Variants in HOMEZ observed in about 807,000 individuals in gnomAD.
HOMEZ encodes homeobox and leucine zipper protein Homez.
A neutral mutation model predicts 50.1 loss-of-function variants in HOMEZ; 20 were observed. The observed-to-expected ratio is 0.40, with a 90% CI of 0.28 to 0.58. The LOEUF (loss-of-function observed/expected upper bound fraction) is 0.58. Ranked by LOEUF, HOMEZ falls within the 20% of genes least tolerant of loss-of-function variation. HOMEZ has a pLI of 0.46. For synonymous variants in HOMEZ, 239 were observed against 254.7 expected (o/e 0.94, Z 0.59); for missense variants, 579 against 680.5 (o/e 0.85, Z 1.66).
chr14:23,277,115 G>A lies in HOMEZ; in HGVS notation c.113C>T (p.Pro38Leu), dbSNP rs768735922. ...NKEASGLSSS[P>L]AGLICLPPIS... ...TGGAGGGAGGCAGATGAGCCCCGCT[G>A]GTGAACTACTGAGACCGCTGGCCTC... Residue 38 changes from proline (P) to leucine (L), a missense_variant, in exon 2 of 2, where the codon CCA becomes CTA. Coordinates refer to ENST00000357460, the MANE Select transcript of HOMEZ (RefSeq NM_020834.3). 6.2e-7 allele frequency: 1 copy of A among 1,613,850 alleles called. No homozygotes were observed. Among genetic ancestry groups the A allele is most frequent in the Non-Finnish European group, 8.5e-7 (1 of 1,179,802 alleles).
intron 1 of HOMEZ, among the ~76,000 whole-genome samples, chr14:23,278,332 A>G (rs1386630826): frequency 6.6e-6 from 1 of 152,002 alleles, no homozygotes; most frequent in Non-Finnish European, 1.5e-5. Context: ...CAAGAGGAGC[A>G]ATAATTTCAA....
At chr14:23,284,107 G>T (rs1886612372) in intron 1 of HOMEZ, among the ~76,000 whole-genome samples, 1 of 152,150 alleles carries the variant, frequency 6.6e-6, no homozygotes, top group Non-Finnish European at 1.5e-5. Flanking sequence ...CAGACCCTCA[G>T]AAAGTTATGA....
chr14:23,280,714 T>TTC (rs1491050635), intron 1 of HOMEZ, among the ~76,000 whole-genome samples: 6 of 60,332 alleles, frequency 9.9e-5, no homozygotes, highest in Non-Finnish European at 1.6e-4. Flanking sequence ...TTTTTATTTT[T>TTC]ATTTTATTTT....
chr14:23,280,740 A>T (rs374099683), intron 1 of HOMEZ, among the ~76,000 whole-genome samples: 2,106 of 41,186 alleles, frequency 0.051, 263 homozygotes, highest in African/African-American at 0.15. Flanking sequence ...ATTTTATTTT[A>T]TTATTTTATT....
chr14:23,279,052 T>C (rs1886430678), intron 1 of HOMEZ, among the ~76,000 whole-genome samples: 1 of 150,958 alleles, frequency 6.6e-6, no homozygotes, highest in Non-Finnish European at 1.5e-5. Context: ...GGCGTGATCT[T>C]GGCTCACTGC....
Position 23,275,879 on chromosome 14 carries a change from T to A in HOMEZ, c.1349A>T (p.Glu450Val). Residue 450 changes from glutamate (E) to valine (V), a missense_variant, in exon 2 of 2, where the codon GAG (glutamate) becomes GTG (valine). Coordinates refer to ENST00000357460, the MANE Select transcript of HOMEZ (RefSeq NM_020834.3). ...PSTRSLNERA[E>V]TPPLPIPPPP... Reference sequence around the variant, plus strand: ...TGGAGGGATCGGCAGAGGTGGTGTCTCAGCCCTTTCGTTCAAGGAGCGGGT... The same window carrying A: ...TGGAGGGATCGGCAGAGGTGGTGTCACAGCCCTTTCGTTCAAGGAGCGGGT... 1 of 1,600,152 alleles carries A rather than the reference T, an allele frequency of 6.2e-7. No homozygotes were observed. The highest frequency in any genetic ancestry group is 8.5e-7 in the Non-Finnish European group (1 of 1,172,584).
chr14:23,275,561 C>T lies in HOMEZ; in HGVS notation c.*14G>A, dbSNP rs1382509744. ...ATCTTTCAGTAACAGACCTCCCCTC[C>T]CCCAGCTCCCCACTCAGTCTTGTAT... is the stretch of plus-strand genomic sequence containing the variant. On this transcript the variant is annotated 3_prime_UTR_variant, in exon 2 of 2. Transcript: ENST00000357460. 4 of 1,535,050 alleles carry T rather than the reference C, an allele frequency of 2.6e-6. No homozygotes were observed. Among genetic ancestry groups the T allele is most frequent in the Middle Eastern group, 1.8e-4 (1 of 5,628 alleles).
At position 23,275,799 on chromosome 14, in the gene HOMEZ, G is replaced by A. The variant is rs201917252; in HGVS notation, c.1429C>T (p.Arg477Trp). 1.0e-4 allele frequency: 164 copies of A among 1,610,842 alleles called. 1 individual carries two copies. The highest frequency in any genetic ancestry group is 9.9e-4 in the Middle Eastern group (6 of 6,048). ...ERYWAAHQQLRETDIPQLSQA... is the reference protein window; with the variant it reads ...ERYWAAHQQLWETDIPQLSQA... ...CTCAATTGAGGGATATCAGTTTCCCGTAGCTGTTGGTGGGCTGCCCAGTAC... is the reference window on the plus strand; with the variant it reads ...CTCAATTGAGGGATATCAGTTTCCCATAGCTGTTGGTGGGCTGCCCAGTAC... Residue 477 changes from arginine to tryptophan, a missense_variant, in exon 2 of 2, where the codon CGG becomes TGG. Arg to Trp is a moderately radical substitution (Grantham distance 101). Transcript: ENST00000357460.
chr14:23,286,070 A>G lies in HOMEZ; in HGVS notation c.-118T>C. On this transcript the variant is annotated 5_prime_UTR_variant, in exon 1 of 2. Transcript: ENST00000357460. ...GGCCGAAACCGGGACTGCCCCCCCC[A>G]CCGTCCCCGGGAGCGCGCCGGTCTA... 8.1e-7 allele frequency: 1 copy of G among 1,230,412 alleles called. No individual in the cohort carries two copies. The highest frequency in any genetic ancestry group is 3.1e-4 in the Middle Eastern group (1 of 3,208). 76.2% of individuals were successfully genotyped at this position (1,230,412 alleles called of 1,614,324 possible). A position where few individuals can be genotyped will look rare whatever the true frequency, so the allele number is the denominator to read the frequency against.
chr14:23,282,704 C>T (rs1886581915), intron 1 of HOMEZ, among the ~76,000 whole-genome samples: 1 of 152,194 alleles, frequency 6.6e-6, no homozygotes, highest in South Asian at 2.1e-4. Flanking sequence ...AAGGCAGGCA[C>T]ATTTATAAGT....
intron 1 of HOMEZ, among the ~76,000 whole-genome samples, chr14:23,283,030 AATC>A (rs1462254768): frequency 1.3e-5 from 2 of 152,200 alleles, no homozygotes; most frequent in African/African-American, 4.8e-5. Flanking sequence ...TAGTAATCAA[AATC>A]ATAATAAAGA....
Position 23,273,021 on chromosome 14 carries a change from C to T in HOMEZ, c.*2554G>A. 1 of 565,050 alleles carries T rather than the reference C, an allele frequency of 1.8e-6. No homozygotes were observed. Among genetic ancestry groups the T allele is most frequent in the Non-Finnish European group, 3.1e-6 (1 of 324,518 alleles). 35.0% of individuals were successfully genotyped at this position (565,050 alleles called of 1,614,324 possible). ...CTAGTTTCACTCTGTACCTTATGCTCCCCCCATCTTTACCCTATTCACCCT... is the reference window on the plus strand; with the variant it reads ...CTAGTTTCACTCTGTACCTTATGCTTCCCCCATCTTTACCCTATTCACCCT... On this transcript the variant is annotated 3_prime_UTR_variant, in exon 2 of 2. Coordinates refer to ENST00000357460, the MANE Select transcript of HOMEZ (RefSeq NM_020834.3).
chr14:23,278,186 A>C (rs1266326751), intron 1 of HOMEZ, among the ~76,000 whole-genome samples: 1 of 152,104 alleles, frequency 6.6e-6, no homozygotes, highest in Non-Finnish European at 1.5e-5. Context: ...CCCAGGCTGG[A>C]GTGCAGTGGC....
At chr14:23,280,695 A>ATATTTATTT (rs1300551971) in intron 1 of HOMEZ, among the ~76,000 whole-genome samples, 1 of 90,558 alleles carries the variant, frequency 1.1e-5, no homozygotes, top group Non-Finnish European at 2.6e-5. Context: ...TTTTATTTTT[A>ATATTTATTT]TTTTTATATT....
In HOMEZ at chr14:23,286,108, C is replaced by T; in HGVS notation, c.-156G>A. ...GCGCGCCGGTCTACCCAGCCCTGCTCGAGCAAGTTGGAGGCGGGGCGGATG... is the reference window on the plus strand; with the variant it reads ...GCGCGCCGGTCTACCCAGCCCTGCTTGAGCAAGTTGGAGGCGGGGCGGATG... On this transcript the variant is annotated 5_prime_UTR_variant, in exon 1 of 2. Transcript: ENST00000357460. The T allele has an allele frequency of 1.1e-5, 13 of 1,229,984 alleles. No homozygotes were observed. The highest frequency in any genetic ancestry group is 1.3e-5 in the Non-Finnish European group (13 of 986,992). 76.2% of individuals were successfully genotyped at this position (1,229,984 alleles called of 1,614,324 possible). A position where few individuals can be genotyped will look rare whatever the true frequency, so the allele number is the denominator to read the frequency against.
intron 1 of HOMEZ, chr14:23,285,579 C>G (rs1183259348): frequency 3.8e-6 from 1 of 260,634 alleles, no homozygotes; most frequent in East Asian, 6.9e-5. Flanking sequence ...TTCTCCTATC[C>G]TCCATTTCAC....
rs551619720 is a variant in HOMEZ at position 23,278,821 on chromosome 14, G to A, written c.41-1634C>T. On this transcript the variant is annotated intron_variant, in intron 1 of 1. Transcript: ENST00000357460. ...CTCCTGAATAGCTGGGACTACAGGC[G>A]TGTGCCACCATGCCCTGCTACATTT... Among the ~76,000 whole-genome samples the A allele has an allele frequency of 8.5e-5, 13 of 152,146 alleles. No individual in the cohort carries two copies. In the South Asian group the frequency reaches 1.9e-3, roughly 22 times the overall value.
At chr14:23,281,969 G>C (rs1886567923) in intron 1 of HOMEZ, among the ~76,000 whole-genome samples, 2 of 151,906 alleles carry the variant, frequency 1.3e-5, no homozygotes, top group African/African-American at 4.8e-5. Context: ...CCACAGCCTG[G>C]GTGACAGAGA....
chr14:23,280,712 T>TTATTTTA (rs1225777046), intron 1 of HOMEZ, among the ~76,000 whole-genome samples: 1 of 58,270 alleles, frequency 1.7e-5, no homozygotes, highest in African/African-American at 7.2e-5. Context: ...TATTTTTATT[T>TTATTTTA]TTATTTTATT....
Sources: gnomAD v4.1 joint callset for allele counts (sites outside exome capture counted in the v4.1 genomes callset) on GRCh38, gnomAD v4.1.1 for gene constraint, MANE v1.5 for transcripts, NCBI Gene and HGNC (gene_info 2026-07-23, HGNC 2026-07-21) for gene names.